The following EFR3B variants were observed in gnomAD, a reference collection of about 807,000 sequenced individuals.
EFR3B encodes the protein EFR3 homolog B.
In EFR3B, 64 loss-of-function variants were observed where a neutral mutation model predicts 104.7. That is an observed-to-expected ratio of 0.61 (90% CI 0.50 to 0.75). The LOEUF is 0.75. EFR3B is among the 30% of genes least tolerant of loss of function. The pLI is 0.00. For missense variants in EFR3B, 750 were observed against 1,078.5 expected (o/e 0.70, Z 4.27); for synonymous variants, 385 against 417.9 (o/e 0.92, Z 0.96).
intron 1 of EFR3B, among the ~76,000 whole-genome samples, chr2:25,071,259 CTT>C (rs57922304): frequency 1.7e-5 from 2 of 116,972 alleles, no homozygotes; most frequent in Non-Finnish European, 1.8e-5. Context: ...CGTGCCCGGC[CTT>C]TTTTTTTTTT....
rs540169802 is a variant in EFR3B at position 25,131,216 on chromosome 2, T to C, written c.850-152T>C. Among the ~76,000 whole-genome samples, 234 of 152,276 alleles carry C rather than the reference T, an allele frequency of 1.5e-3. No homozygotes were observed. The highest frequency in any genetic ancestry group is 5.5e-3 in the African/African-American group (229 of 41,556). ...TTGGAGGGAGAAGGGAAGGATCCAG[T>C]AAAGGGCACGAGGTGTCAGTGCCAA... On this transcript the variant is annotated intron_variant, in intron 8 of 22. Transcript: ENST00000403714. This position sits in a 1 kb window ranked among gnomAD's most constrained non-coding sequence, Gnocchi z 7.6.
chr2:25,095,114 G>A (rs1573198985), intron 3 of EFR3B, among the ~76,000 whole-genome samples: 2 of 152,176 alleles, frequency 1.3e-5, no homozygotes, highest in Admixed American at 1.3e-4. Flanking sequence ...CTTAAATACA[G>A]TCTACCTTCA....
intron 5 of EFR3B, among the ~76,000 whole-genome samples, chr2:25,126,280 C>T (rs568672111): frequency 7.9e-5 from 12 of 152,234 alleles, no homozygotes; most frequent in Middle Eastern, 3.4e-3. Flanking sequence ...CCTTTGCCTC[C>T]CAGGCTCAAT....
At position 25,156,144 on chromosome 2, in the gene EFR3B, T is replaced by G. The variant is rs1207445634; in HGVS notation, c.*1804T>G. 6.6e-6 allele frequency: 1 copy of G among 152,168 alleles called. No homozygotes were observed. The highest frequency in any genetic ancestry group is 2.4e-5 in the African/African-American group (1 of 41,426). 9.4% of individuals were successfully genotyped at this position (152,168 alleles called of 1,614,324 possible). A position where few individuals can be genotyped will look rare whatever the true frequency, so the allele number is the denominator to read the frequency against. ...GTATTTTCCAGAATCGGGGAGGGAC[T>G]GAACACGAGCATTTCCCATTAATAT... On this transcript the variant is annotated 3_prime_UTR_variant, in exon 23 of 23. Transcript: ENST00000403714.
intron 1 of EFR3B, among the ~76,000 whole-genome samples, chr2:25,053,108 C>A (rs1667925497): frequency 6.6e-6 from 1 of 152,160 alleles, no homozygotes; most frequent in Non-Finnish European, 1.5e-5. Flanking sequence ...GTGGAGCTCA[C>A]TGTATTTCAG....
intron 19 of EFR3B, among the ~76,000 whole-genome samples, chr2:25,148,421 G>GT (rs1489456789): frequency 1.4e-4 from 21 of 151,750 alleles, no homozygotes; most frequent in African/African-American, 4.8e-4. Context: ...TGCCTGGCTA[G>GT]TTTTTGCATT....
chr2:25,131,608 T>A lies in EFR3B; in HGVS notation c.985+105T>A. ...AGGGAGGGGTCGGAGTCCGTTTTCC[T>A]CGGGAGAAGTCCGCCAGGAAGTTGG... On this transcript the variant is annotated intron_variant, in intron 9 of 22. Coordinates refer to ENST00000403714, the MANE Select transcript of EFR3B (RefSeq NM_014971.2). This position sits in a 1 kb window ranked among gnomAD's most constrained non-coding sequence, Gnocchi z 7.6. 6.7e-7 allele frequency: 1 copy of A among 1,503,722 alleles called. No homozygotes were observed. Among genetic ancestry groups the A allele is most frequent in the Non-Finnish European group, 8.9e-7 (1 of 1,120,710 alleles). The allele number at this position is 1,503,722 out of a possible 1,614,324, so 93.1% of individuals were successfully genotyped here.
chr2:25,151,155 T>C (rs1484735425), intron 20 of EFR3B, among the ~76,000 whole-genome samples: 1 of 152,132 alleles, frequency 6.6e-6, no homozygotes, highest in Non-Finnish European at 1.5e-5. Context: ...AAGCAGCATG[T>C]GTAGAAGCCT....
chr2:25,152,186 C>T (rs1671031900), intron 21 of EFR3B, among the ~76,000 whole-genome samples, 166 bp downstream of exon 21: 1 of 151,502 alleles, frequency 6.6e-6, no homozygotes, highest in South Asian at 2.1e-4. Flanking sequence ...GGGAGCTCCG[C>T]TGTTGCCCTG....
chr2:25,093,274 C>G, intron 3 of EFR3B, 144 bp downstream of exon 3: 2 of 1,126,860 alleles, frequency 1.8e-6, no homozygotes, highest in South Asian at 1.7e-5. Flanking sequence ...GTGGGAGGAT[C>G]ACTGAGGCCA....
Position 25,136,708 on chromosome 2 carries a change from G to A in EFR3B, c.1560+110G>A. 1.1e-6 allele frequency: 1 copy of A among 883,866 alleles called. No individual in the cohort carries two copies. Among genetic ancestry groups the A allele is most frequent in the South Asian group, 1.5e-5 (1 of 65,612 alleles). The allele number at this position is 883,866 out of a possible 1,614,324, so 54.8% of individuals were successfully genotyped here. A position where few individuals can be genotyped will look rare whatever the true frequency, so the allele number is the denominator to read the frequency against. ...GGGCGGATAGATCACTTGAGGTGGGGAGCTCGAGACCAGCCAGACCAACAT... is the reference window on the plus strand; with the variant it reads ...GGGCGGATAGATCACTTGAGGTGGGAAGCTCGAGACCAGCCAGACCAACAT... On this transcript the variant is annotated intron_variant, in intron 14 of 22. Coordinates refer to ENST00000403714, the MANE Select transcript of EFR3B (RefSeq NM_014971.2). The surrounding 1 kb of genome is among the most constrained non-coding windows in gnomAD (Gnocchi z 4.0).
chr2:25,118,822 T>C (rs1469740952), intron 4 of EFR3B, among the ~76,000 whole-genome samples: 2 of 146,652 alleles, frequency 1.4e-5, no homozygotes, highest in Non-Finnish European at 3.0e-5. Context: ...GGGCGGATCA[T>C]GACATCAGGA....
chr2:25,141,439 G>A lies in EFR3B; in HGVS notation c.1922+6G>A, dbSNP rs1367799869. 2 of 1,551,224 alleles carry A rather than the reference G, an allele frequency of 1.3e-6. No homozygotes were observed. The highest frequency in any genetic ancestry group is 2.0e-5 in the Admixed American group (1 of 50,988). On this transcript the variant is annotated splice_donor_region_variant and intron_variant, in intron 17 of 22. Transcript: ENST00000403714. ...GTGTTTGTGGAGAGGCCCAGGTGAG[G>A]AGAGGACGGGGGACGTGGTCAGGGA...
At chr2:25,058,774 CCAA>C (rs201037791) in intron 1 of EFR3B, among the ~76,000 whole-genome samples, 10,597 of 141,000 alleles carry the variant, frequency 0.075, 520 homozygotes, top group Non-Finnish European at 0.11. Context: ...GCCCCCCCCC[CCAA>C]AAAAAAAAAC....
intron 17 of EFR3B, 127 bp from the exon 18 acceptor site, chr2:25,143,608 C>T: frequency 5.8e-6 from 7 of 1,209,562 alleles, no homozygotes; most frequent in South Asian, 4.5e-5. Flanking sequence ...TGCAATGAGC[C>T]GAGATCGCAC....
At chr2:25,138,943 T>C (rs1430444916) in intron 15 of EFR3B, 116 bp from the exon 16 acceptor site, 3 of 1,403,488 alleles carry the variant, frequency 2.1e-6, no homozygotes, top group African/African-American at 2.9e-5. Flanking sequence ...TGAGAAAGAC[T>C]TAGTCTAGGA....
intron 1 of EFR3B, among the ~76,000 whole-genome samples, chr2:25,077,827 C>T (rs566093204): frequency 6.6e-6 from 1 of 152,140 alleles, no homozygotes; most frequent in East Asian, 1.9e-4. Context: ...GCATCTATTC[C>T]TTTTAAATTC....
chr2:25,122,997 A>G (rs897942623), intron 5 of EFR3B, among the ~76,000 whole-genome samples: 2 of 152,072 alleles, frequency 1.3e-5, no homozygotes, highest in African/African-American at 2.4e-5. Context: ...ACATACACAT[A>G]CTCCAATTTA....
chr2:25,094,298 A>AAAAAAAAAAAAG (rs1553390785), intron 3 of EFR3B, among the ~76,000 whole-genome samples: 1 of 150,380 alleles, frequency 6.6e-6, no homozygotes, highest in African/African-American at 2.4e-5. Context: ...AAAAAAAAAA[A>AAAAAAAAAAAAG]AAAGAAAAAA....
Sources: allele counts gnomAD v4.1 joint callset (sites outside exome capture counted in the v4.1 genomes callset), GRCh38; gene constraint gnomAD v4.1.1; non-coding constraint Gnocchi (gnomAD v3.1); transcripts MANE v1.5; gene names NCBI Gene and HGNC (gene_info 2026-07-23, HGNC 2026-07-21).